VPS41: variants seen among roughly 807,000 people sequenced by gnomAD.
The protein encoded by VPS41 is VPS41 subunit of HOPS complex.
VPS41 carries 85 observed loss-of-function variants against 130.9 expected under a neutral mutation model. That is an observed-to-expected ratio of 0.65 (90% CI 0.55 to 0.78). The LOEUF is 0.78. Among genes scored for constraint, VPS41 ranks in the 30% least tolerant of loss-of-function variants. The probability of loss-of-function intolerance (pLI) is 0.00; values close to 1 mark genes in which losing one functional copy is unlikely to be tolerated. For synonymous variants in VPS41, 335 were observed against 332.9 expected (o/e 1.01, Z -0.07); for missense variants, 874 against 1,018.7 (o/e 0.86, Z 1.93).
At chr7:38,741,640 G>T (rs1295992155) in intron 25 of VPS41, among the ~76,000 whole-genome samples, 1 of 152,104 alleles carries the variant, frequency 6.6e-6, no homozygotes, top group African/African-American at 2.4e-5. Context: ...TGTTGGGGTG[G>T]CCCGATCTAA....
chr7:38,797,212 T>C (rs1784638917), intron 7 of VPS41, among the ~76,000 whole-genome samples: 1 of 152,238 alleles, frequency 6.6e-6, no homozygotes, highest in South Asian at 2.1e-4. Flanking sequence ...CTAATTTATT[T>C]TGTAAATTGG....
intron 2 of VPS41, among the ~76,000 whole-genome samples, chr7:38,884,283 A>G (rs1282062124): frequency 1.3e-5 from 2 of 152,200 alleles, no homozygotes; most frequent in African/African-American, 2.4e-5. Context: ...TAGAAATTGC[A>G]TTTCATTTTA....
intron 4 of VPS41, among the ~76,000 whole-genome samples, chr7:38,839,973 A>G (rs1785576594): frequency 6.6e-6 from 1 of 152,214 alleles, no homozygotes. Context: ...GTTCCCCAGG[A>G]CAGCCATCCA....
At chr7:38,828,891 T>G (rs1008777333) in intron 5 of VPS41, among the ~76,000 whole-genome samples, 4 of 152,170 alleles carry the variant, frequency 2.6e-5, no homozygotes, top group African/African-American at 9.7e-5. Context: ...CTTCAACATT[T>G]AAAGCTCTGA....
rs1795510672 is a variant in VPS41 at position 38,725,006 on chromosome 7, T to C, written c.*1240A>G. ...TTCTTTATCTGTAAACCTAGGTTTA[T>C]CAGATCTTCTTCCTGGCGACGCTGT... is the stretch of plus-strand genomic sequence containing the variant. On this transcript the variant is annotated 3_prime_UTR_variant, in exon 29 of 29. Coordinates refer to ENST00000310301, the MANE Select transcript of VPS41 (RefSeq NM_014396.4). 1 of 152,238 alleles carries C rather than the reference T, an allele frequency of 6.6e-6. No homozygotes were observed. The highest frequency in any genetic ancestry group is 1.5e-5 in the Non-Finnish European group (1 of 68,062). 9.4% of individuals were successfully genotyped at this position (152,238 alleles called of 1,614,324 possible).
chr7:38,794,205 T>C (rs1784580702), intron 9 of VPS41, among the ~76,000 whole-genome samples: 5 of 152,196 alleles, frequency 3.3e-5, no homozygotes, highest in Admixed American at 3.3e-4. Context: ...TATAAATTTA[T>C]TGGATGAGTA....
intron 10 of VPS41, among the ~76,000 whole-genome samples, chr7:38,783,328 A>C (rs1353364296): frequency 6.6e-6 from 1 of 151,980 alleles, no homozygotes; most frequent in Non-Finnish European, 1.5e-5. Context: ...CAAGGTCAGG[A>C]GCTCAAGACC....
At chr7:38,899,859 A>C (rs1014583451) in intron 1 of VPS41, among the ~76,000 whole-genome samples, 2 of 152,220 alleles carry the variant, frequency 1.3e-5, no homozygotes, top group African/African-American at 4.8e-5. Context: ...AAATCACATT[A>C]AACCTAAGGA....
At chr7:38,889,455 G>T (rs987968218) in intron 2 of VPS41, among the ~76,000 whole-genome samples, 3 of 150,608 alleles carry the variant, frequency 2.0e-5, no homozygotes, top group Admixed American at 1.3e-4. Flanking sequence ...CATTTGAAAT[G>T]ATAGAAGCCA....
chr7:38,804,987 G>A (rs1179582998), intron 7 of VPS41, among the ~76,000 whole-genome samples: 2 of 152,180 alleles, frequency 1.3e-5, no homozygotes, highest in African/African-American at 4.8e-5. Context: ...TGGGCCCAAG[G>A]TCAAACACCC....
chr7:38,749,109 T>C (rs907049388), intron 22 of VPS41, among the ~76,000 whole-genome samples: 1 of 152,216 alleles, frequency 6.6e-6, no homozygotes, highest in African/African-American at 2.4e-5. Flanking sequence ...AAGTTTATGA[T>C]TAATTTTTGA....
intron 2 of VPS41, among the ~76,000 whole-genome samples, chr7:38,881,746 A>G (rs996473846): frequency 6.6e-6 from 1 of 152,132 alleles, no homozygotes; most frequent in Admixed American, 6.6e-5. Flanking sequence ...TCAAAGCCCT[A>G]GTTTCACCAT....
intron 4 of VPS41, among the ~76,000 whole-genome samples, chr7:38,830,915 A>C (rs1443053989): frequency 6.6e-6 from 1 of 152,218 alleles, no homozygotes; most frequent in African/African-American, 2.4e-5. Context: ...AGCTCATAGC[A>C]GGGAATCAAA....
At chr7:38,763,871 A>G (rs1783972637) in intron 16 of VPS41, among the ~76,000 whole-genome samples, 1 of 152,202 alleles carries the variant, frequency 6.6e-6, no homozygotes, top group Non-Finnish European at 1.5e-5. Context: ...TCGACTTCTT[A>G]AGTAATCGAG....
chr7:38,907,691 A>T (rs1231141878), intron 1 of VPS41, among the ~76,000 whole-genome samples: 2 of 152,220 alleles, frequency 1.3e-5, no homozygotes, highest in Non-Finnish European at 2.9e-5. Context: ...AACAGTGGTA[A>T]ATATTTCATA....
At chr7:38,876,920 T>C (rs934935053) in intron 2 of VPS41, among the ~76,000 whole-genome samples, 3 of 141,042 alleles carry the variant, frequency 2.1e-5, no homozygotes, top group Non-Finnish European at 4.7e-5. Context: ...GATAAGAATA[T>C]ATAGAAGAGG....
intron 25 of VPS41, among the ~76,000 whole-genome samples, chr7:38,735,309 A>C (rs867010696): frequency 2.0e-5 from 3 of 152,224 alleles, no homozygotes; most frequent in African/African-American, 7.2e-5. Flanking sequence ...AGGCCCAAAA[A>C]AAGGTTAGTA....
In VPS41 at chr7:38,754,938, TGAAACATATAA is replaced by T; in HGVS notation, c.1696-13_1696-3del. ...GTCCAAAAGCATGTCAACAGCTTTCTGAAACATATAAGAAAAGCCACAGTCAATGAAATCCG... is the reference window on the plus strand; with the variant it reads ...GTCCAAAAGCATGTCAACAGCTTTCTGAAAAGCCACAGTCAATGAAATCCG... On this transcript the variant is annotated splice_region_variant and splice_polypyrimidine_tract_variant and intron_variant, in intron 19 of 28. Transcript: ENST00000310301. 6.2e-7 allele frequency: 1 copy of T among 1,613,354 alleles called. No homozygotes were observed. The highest frequency in any genetic ancestry group is 8.5e-7 in the Non-Finnish European group (1 of 1,179,622).
chr7:38,851,737 T>C (rs536031892), intron 4 of VPS41, among the ~76,000 whole-genome samples: 1 of 152,356 alleles, frequency 6.6e-6, no homozygotes, highest in African/African-American at 2.4e-5. Flanking sequence ...GCCAAACTGT[T>C]TTCCAAAGTT....
Sources: allele counts gnomAD v4.1 joint callset (sites outside exome capture counted in the v4.1 genomes callset), GRCh38; gene constraint gnomAD v4.1.1; transcripts MANE v1.5; gene names NCBI Gene and HGNC (gene_info 2026-07-23, HGNC 2026-07-21).